Variants in CASKIN2 observed in about 807,000 individuals in gnomAD.
CASKIN2 encodes caskin-2.
A neutral mutation model predicts 107.1 loss-of-function variants in CASKIN2; 41 were observed. The observed-to-expected ratio is 0.38, with a 90% CI of 0.30 to 0.50. The LOEUF is 0.50. Ranked by LOEUF, CASKIN2 falls within the 20% of genes least tolerant of loss-of-function variation. CASKIN2 has a pLI of 0.92. For missense variants in CASKIN2, 1,546 were observed against 1,657.4 expected (o/e 0.93, Z 1.17); for synonymous variants, 724 against 705.6 (o/e 1.03, Z -0.41).
chr17:75,508,929 T>C (rs2053293556), intron 2 of CASKIN2, among the ~76,000 whole-genome samples: 2 of 152,232 alleles, frequency 1.3e-5, no homozygotes, highest in African/African-American at 4.8e-5. Flanking sequence ...TCTCAACATC[T>C]AGCCCTCCTG....
rs188054632 is a variant in CASKIN2 at position 75,514,221 on chromosome 17, C to G, written c.-404-13G>C. 3,279 of 448,558 alleles carry G rather than the reference C, an allele frequency of 7.3e-3. 22 individuals carry two copies. Among genetic ancestry groups the G allele is most frequent in the Non-Finnish European group, 9.4e-3 (2,417 of 255,782 alleles). The allele number at this position is 448,558 out of a possible 1,614,324, so 27.8% of individuals were successfully genotyped here. On this transcript the variant is annotated splice_polypyrimidine_tract_variant and intron_variant, in intron 1 of 19. Transcript: ENST00000321617. ...TGGTCTCAGGGCTCTGGAAAAAGCA[C>G]GGGGCCTCTGTCGAATGCTGGGCCA... is the stretch of plus-strand genomic sequence containing the variant.
rs768307826 is a variant in CASKIN2, at chr17:75,513,843, G to A, written c.-39C>T. On this transcript the variant is annotated 5_prime_UTR_variant, in exon 2 of 20. Coordinates refer to ENST00000321617, the MANE Select transcript of CASKIN2 (RefSeq NM_020753.5). Reference sequence around the variant, plus strand: ...CTGAGCTCTACACTCAGGAGTCCAGGGCAAAGGCAGGCAACGGGTCCAAGC... The same window carrying A: ...CTGAGCTCTACACTCAGGAGTCCAGAGCAAAGGCAGGCAACGGGTCCAAGC... 1 of 1,582,754 alleles carries A rather than the reference G, an allele frequency of 6.3e-7. No individual in the cohort carries two copies. Among genetic ancestry groups the A allele is most frequent in the South Asian group, 1.1e-5 (1 of 90,438 alleles).
At position 75,501,523 on chromosome 17, in the gene CASKIN2, G is replaced by A. The variant is rs1325588727; in HGVS notation, c.3463C>T (p.Leu1155=). 3 of 1,612,536 alleles carry A rather than the reference G, an allele frequency of 1.9e-6. No homozygotes were observed. The highest frequency in any genetic ancestry group is 2.5e-6 in the Non-Finnish European group (3 of 1,179,602). ...QQRLEQTSSS[L]AAALRAAEKS... ...TCTGCGGCTCTCAGTGCAGCTGCCA[G>A]GGACGAGCTGGTCTGCTCCAGTCTC... The change falls in exon 19 of 20, where the codon CTG becomes TTG. Residue 1155 remains leucine, a synonymous_variant. Coordinates refer to ENST00000321617, the MANE Select transcript of CASKIN2 (RefSeq NM_020753.5).
rs2053222422 is a variant in CASKIN2, at chr17:75,503,137, A to G, written c.1937T>C (p.Met646Thr). The change falls in exon 18 of 20, where the codon ATG becomes ACG. Residue 646 changes from methionine to threonine, a missense_variant. This residue lies in a region of CASKIN2 where 1,311 missense variants were observed against 1,311.0 expected (regional missense o/e 1.00). Coordinates refer to ENST00000321617, the MANE Select transcript of CASKIN2 (RefSeq NM_020753.5). ...TCCGTTCTCCAGTCCCTCGATGGCC[A>G]TCAGCTCCGGACCCTTGGCCAGCCG... is the stretch of plus-strand genomic sequence containing the variant. ...GRRLAKGPEL[M>T]AIEGLENGEG... 1 of 1,605,874 alleles carries G rather than the reference A, an allele frequency of 6.2e-7. No homozygotes were observed. Among genetic ancestry groups the G allele is most frequent in the African/African-American group, 1.3e-5 (1 of 74,828 alleles).
intron 3 of CASKIN2, 24 bp downstream of exon 3, chr17:75,508,209 CA>C (rs757376079): frequency 1.7e-5 from 28 of 1,613,362 alleles, no homozygotes; most frequent in African/African-American, 2.7e-5. Flanking sequence ...AGCAGCTCTG[CA>C]GAGGGACAGG....
Position 75,501,921 on chromosome 17 carries a change from G to C in CASKIN2, c.3153C>G (p.Thr1051=), listed in dbSNP as rs369001779. ...GCATGGCGGGGCTGGGAGCAAGGGG[G>C]GTTGGAACTCCTTGGGCTGGAAGGC... ...PSSLPAQGVP[T]PLAPSPAMQP... is the part of the protein sequence containing the mutation. The change falls in exon 18 of 20, where the codon ACC becomes ACG. Residue 1051 remains threonine, a synonymous_variant. Coordinates refer to ENST00000321617, the MANE Select transcript of CASKIN2 (RefSeq NM_020753.5). The C allele has an allele frequency of 1.9e-6, 3 of 1,586,948 alleles. No individual in the cohort carries two copies. Among genetic ancestry groups the C allele is most frequent in the African/African-American group, 1.3e-5 (1 of 74,496 alleles).
At chr17:75,508,962 G>C (rs117271063) in intron 2 of CASKIN2, among the ~76,000 whole-genome samples, 4 of 152,210 alleles carry the variant, frequency 2.6e-5, no homozygotes, top group Admixed American at 2.6e-4. Flanking sequence ...ATACCATCCC[G>C]ATGTTAGGGC....
Position 75,502,697 on chromosome 17 carries a change from G to T in CASKIN2, c.2377C>A (p.Arg793=). The T allele has an allele frequency of 6.3e-7, 1 of 1,594,392 alleles. No homozygotes were observed. ...GPPATPPDPP[R]PKRRSHSLSR... is the part of the protein sequence containing the mutation. The stretch of plus-strand genomic sequence containing the variant: ...AGGCTGTGGGACCGGCGCTTAGGTC[G>T]AGGCGGGTCTGGGGGAGTGGCAGGG... The change falls in exon 18 of 20, where the codon CGA becomes AGA. Residue 793 remains arginine (R), a synonymous_variant. Coordinates refer to ENST00000321617, the MANE Select transcript of CASKIN2 (RefSeq NM_020753.5). This position sits in a 1 kb window ranked among gnomAD's most constrained non-coding sequence, Gnocchi z 4.3.
At chr17:75,507,486 G>T in intron 4 of CASKIN2, 98 bp downstream of exon 4, 2 of 865,644 alleles carry the variant, frequency 2.3e-6, no homozygotes, top group Non-Finnish European at 3.8e-6. Flanking sequence ...GCATCTATTA[G>T]CATTGCTACG....
At position 75,505,859 on chromosome 17, in the gene CASKIN2, G is replaced by A; in HGVS notation, c.797C>T (p.Thr266Ile). 1 of 1,613,420 alleles carries A rather than the reference G, an allele frequency of 6.2e-7. No individual in the cohort carries two copies. The highest frequency in any genetic ancestry group is 8.5e-7 in the Non-Finnish European group (1 of 1,179,958). The change falls in exon 9 of 20, where the codon ACC becomes ATC. Residue 266 changes from threonine to isoleucine, a missense_variant. Thr to Ile is a moderately conservative substitution (Grantham distance 89, BLOSUM62 -1). Around this residue, in one of 6 missense-constraint regions of CASKIN2, gnomAD observed 1,311 missense variants for 1,311.0 expected, o/e 1.00. Transcript: ENST00000321617. This position sits in a 1 kb window ranked among gnomAD's most constrained non-coding sequence, Gnocchi z 5.1. ...TALDIVNQFTTSQASREIKQL... is the reference protein window; with the variant it reads ...TALDIVNQFTISQASREIKQL... ...CTTGATTTCCCGGCTGGCCTGGGAG[G>A]TGGTGAACTGATTCACTATGTCCAG...
chr17:75,510,647 G>A (rs951168114), intron 2 of CASKIN2, among the ~76,000 whole-genome samples: 4 of 152,070 alleles, frequency 2.6e-5, no homozygotes, highest in African/African-American at 9.7e-5. Context: ...TTGGAGTGTA[G>A]TGGCACGATC....
chr17:75,507,195 C>A, intron 4 of CASKIN2, 66 bp from the exon 5 acceptor site: 2 of 1,528,720 alleles, frequency 1.3e-6, no homozygotes, highest in East Asian at 2.3e-5. Context: ...AGGAACTGAG[C>A]AGAGTACGGA....
chr17:75,511,454 T>A (rs1025971009), intron 2 of CASKIN2, among the ~76,000 whole-genome samples: 3 of 152,206 alleles, frequency 2.0e-5, no homozygotes, highest in Non-Finnish European at 4.4e-5. Context: ...GCTGTGTGAC[T>A]TTAGGCAAGT....
chr17:75,515,155 A>T (rs2053346953), intron 1 of CASKIN2: 1 of 149,508 alleles, frequency 6.7e-6, no homozygotes, highest in Admixed American at 6.6e-5. Context: ...CGCCCCCCGG[A>T]ATGTCCCTCC....
Position 75,502,773 on chromosome 17 carries a change from G to A in CASKIN2, c.2301C>T (p.Ala767=). The A allele has an allele frequency of 1.2e-6, 2 of 1,602,692 alleles. No homozygotes were observed. Among genetic ancestry groups the A allele is most frequent in the Non-Finnish European group, 1.7e-6 (2 of 1,174,510 alleles). Residue 767 remains alanine (A), a synonymous_variant, in exon 18 of 20, where the codon GCC becomes GCT. Coordinates refer to ENST00000321617, the MANE Select transcript of CASKIN2 (RefSeq NM_020753.5). This position sits in a 1 kb window ranked among gnomAD's most constrained non-coding sequence, Gnocchi z 4.3. ...MYPQGSPSSP[A]PGPPPGAPWA... ...AGGGTGCGCCAGGAGGTGGCCCTGGGGCCGGGCTAGAGGGTGAGCCCTGGG... is the reference window on the plus strand; with the variant it reads ...AGGGTGCGCCAGGAGGTGGCCCTGGAGCCGGGCTAGAGGGTGAGCCCTGGG...
At position 75,505,143 on chromosome 17, in the gene CASKIN2, C is replaced by A. The variant is rs1598465975; in HGVS notation, c.931-70G>T. ...GGCAAGTGGCAAACGGTTGTCCCTG[C>A]AGCTGCGGTCCGGCAACCCTGGTCC... On this transcript the variant is annotated intron_variant, in intron 10 of 19. Transcript: ENST00000321617. This position sits in a 1 kb window ranked among gnomAD's most constrained non-coding sequence, Gnocchi z 5.1. The A allele has an allele frequency of 3.2e-6, 5 of 1,538,552 alleles. No individual in the cohort carries two copies. The East Asian group carries it at 9.0e-5, about 28-fold the overall frequency.
In CASKIN2 at chr17:75,502,299, G is replaced by A. The variant is rs764659850; in HGVS notation, c.2775C>T (p.Pro925=). Residue 925 remains proline (P), a synonymous_variant, in exon 18 of 20, where the codon CCC becomes CCT. Coordinates refer to ENST00000321617, the MANE Select transcript of CASKIN2 (RefSeq NM_020753.5). This position sits in a 1 kb window ranked among gnomAD's most constrained non-coding sequence, Gnocchi z 4.3. ...EPPGPPAPAG[P]ASDTEEEEPG... ...GCTCCTCCTCCTCCGTGTCTGACGCGGGCCCAGCCGGGGCAGGTGGGCCAG... is the reference window on the plus strand; with the variant it reads ...GCTCCTCCTCCTCCGTGTCTGACGCAGGCCCAGCCGGGGCAGGTGGGCCAG... The A allele has an allele frequency of 1.3e-5, 20 of 1,496,546 alleles. No homozygotes were observed. Among genetic ancestry groups the A allele is most frequent in the East Asian group, 2.3e-5 (1 of 42,898 alleles). The allele number at this position is 1,496,546 out of a possible 1,614,324, so 92.7% of individuals were successfully genotyped here.
chr17:75,514,026 AG>A lies in CASKIN2; in HGVS notation c.-223del. 1 of 589,444 alleles carries A rather than the reference AG, an allele frequency of 1.7e-6. No individual in the cohort carries two copies. Among genetic ancestry groups the A allele is most frequent in the Non-Finnish European group, 3.0e-6 (1 of 330,570 alleles). The allele number at this position is 589,444 out of a possible 1,614,324, so 36.5% of individuals were successfully genotyped here. On this transcript the variant is annotated 5_prime_UTR_variant, in exon 2 of 20. Transcript: ENST00000321617. ...CCACACGAAGGAAAGCTAATCTTTG[AG>A]GGGGTGAAGGCTACATGGAAATCTG...
rs2053253937 is a variant in CASKIN2, at chr17:75,505,377, C to T, written c.930+180G>A. On this transcript the variant is annotated intron_variant, in intron 10 of 19. Coordinates refer to ENST00000321617, the MANE Select transcript of CASKIN2 (RefSeq NM_020753.5). This position sits in a 1 kb window ranked among gnomAD's most constrained non-coding sequence, Gnocchi z 5.1. Reference sequence around the variant, plus strand: ...TCTCTTGATTTTATTTTGTTTAATTCTCAATTTTGTCATCTGTAAAGAAGA... The same window carrying T: ...TCTCTTGATTTTATTTTGTTTAATTTTCAATTTTGTCATCTGTAAAGAAGA... The T allele has an allele frequency of 3.0e-6, 2 of 665,440 alleles. No homozygotes were observed. Among genetic ancestry groups the T allele is most frequent in the South Asian group, 1.8e-5 (1 of 54,868 alleles). 41.2% of individuals were successfully genotyped at this position (665,440 alleles called of 1,614,324 possible). A position where few individuals can be genotyped will look rare whatever the true frequency, so the allele number is the denominator to read the frequency against.
Sources: allele counts gnomAD v4.1 joint callset (sites outside exome capture counted in the v4.1 genomes callset), GRCh38; gene constraint gnomAD v4.1.1; regional missense constraint gnomAD v4.1.1; non-coding constraint Gnocchi (gnomAD v3.1); transcripts MANE v1.5; gene names NCBI Gene and HGNC (gene_info 2026-07-23, HGNC 2026-07-21).